Variants in NRG3 observed in about 807,000 individuals in gnomAD.
The protein encoded by NRG3 is neuregulin 3, also known as pro-neuregulin-3, membrane-bound isoform.
NRG3 carries 31 observed loss-of-function variants against 66.9 expected under a neutral mutation model. That is an observed-to-expected ratio of 0.46 (90% CI 0.35 to 0.63). The LOEUF (loss-of-function observed/expected upper bound fraction) is 0.63. Ranked by LOEUF, NRG3 falls within the 20% of genes least tolerant of loss-of-function variation. The pLI, the probability that NRG3 is intolerant of heterozygous loss-of-function variation, is 0.00. For synonymous variants in NRG3, 393 were observed against 359.4 expected, an observed-to-expected ratio of 1.09 and a Z score of -1.06; for missense variants, 910 against 878.9, an observed-to-expected ratio of 1.04 and a Z score of -0.45.
At chr10:82,338,017 T>G (rs867622559) in intron 1 of NRG3, among the ~76,000 whole-genome samples, 3 of 152,230 alleles carry the variant, frequency 2.0e-5, no homozygotes, top group Non-Finnish European at 4.4e-5. Flanking sequence ...CATGTACATA[T>G]GCTTCATGTG....
intron 1 of NRG3, among the ~76,000 whole-genome samples, chr10:82,260,212 T>C (rs996089481): frequency 5.9e-5 from 9 of 152,168 alleles, no homozygotes; most frequent in Admixed American, 2.0e-4. Flanking sequence ...CTAAAGAAAT[T>C]AGCAAAATCA....
chr10:82,173,002 G>C (rs2072748131), intron 1 of NRG3, among the ~76,000 whole-genome samples: 1 of 152,098 alleles, frequency 6.6e-6, no homozygotes, highest in Non-Finnish European at 1.5e-5. Context: ...TGTCTGTGCA[G>C]GAAAATCCAT....
intron 3 of NRG3, among the ~76,000 whole-genome samples, chr10:82,810,253 A>G (rs73307240): frequency 0.019 from 2,884 of 152,228 alleles, 102 homozygotes; most frequent in African/African-American, 0.065. Context: ...GTATTGGTCT[A>G]TTTCCTTTGA....
intron 1 of NRG3, among the ~76,000 whole-genome samples, chr10:81,877,045 A>C (rs1351365055): frequency 1.3e-5 from 2 of 152,084 alleles, no homozygotes; most frequent in East Asian, 3.9e-4. Flanking sequence ...AGTTTTCTGC[A>C]CTCAAGGGTG....
chr10:82,465,254 G>T (rs1840566210), intron 2 of NRG3, among the ~76,000 whole-genome samples: 1 of 152,140 alleles, frequency 6.6e-6, no homozygotes, highest in Non-Finnish European at 1.5e-5. Context: ...AGAGATTTCT[G>T]GTTGACTAAT....
At chr10:82,562,289 T>C (rs1349583414) in intron 2 of NRG3, among the ~76,000 whole-genome samples, 3 of 152,182 alleles carry the variant, frequency 2.0e-5, no homozygotes, top group Non-Finnish European at 2.9e-5. Context: ...TAGTGAAGCA[T>C]ATAGATTTTT....
intron 3 of NRG3, among the ~76,000 whole-genome samples, chr10:82,780,086 G>A (rs142069204): frequency 0.02 from 3,077 of 152,216 alleles, 111 homozygotes; most frequent in African/African-American, 0.069. Flanking sequence ...ATTCCATGGC[G>A]TATATGTGCC....
intron 2 of NRG3, among the ~76,000 whole-genome samples, chr10:82,528,298 C>A (rs1158640155): frequency 6.6e-6 from 1 of 152,116 alleles, no homozygotes; most frequent in Non-Finnish European, 1.5e-5. Context: ...GAAGTTACAT[C>A]TGCTGGCTCT....
intron 1 of NRG3, among the ~76,000 whole-genome samples, chr10:82,148,615 G>A (rs763423559): frequency 1.3e-5 from 2 of 151,936 alleles, no homozygotes; most frequent in Non-Finnish European, 2.9e-5. Flanking sequence ...CAGATTCCTG[G>A]GGCTGGCTGT....
chr10:82,242,719 A>C (rs1208589744), intron 1 of NRG3, among the ~76,000 whole-genome samples: 3 of 152,098 alleles, frequency 2.0e-5, no homozygotes, highest in African/African-American at 7.2e-5. Context: ...TGGGGGTGTG[A>C]GAGAGAGTAA....
At chr10:82,363,568 G>T (rs1231894635) in intron 2 of NRG3, among the ~76,000 whole-genome samples, 2 of 152,140 alleles carry the variant, frequency 1.3e-5, no homozygotes, top group African/African-American at 2.4e-5. Flanking sequence ...CCATTCTCCT[G>T]CCTCAGCCTC....
chr10:82,703,005 T>C (rs1042336303), intron 2 of NRG3, among the ~76,000 whole-genome samples: 6 of 152,030 alleles, frequency 3.9e-5, no homozygotes, highest in African/African-American at 1.4e-4. Flanking sequence ...TTTCTTGGTC[T>C]CCTTCCTTTC....
intron 3 of NRG3, among the ~76,000 whole-genome samples, chr10:82,819,246 A>G (rs1237315955): frequency 6.6e-6 from 1 of 152,196 alleles, no homozygotes; most frequent in Non-Finnish European, 1.5e-5. Flanking sequence ...CACAAGAACT[A>G]ATTGTGAGAT....
intron 3 of NRG3, among the ~76,000 whole-genome samples, chr10:82,756,243 T>C (rs1205870089): frequency 6.6e-6 from 1 of 152,088 alleles, no homozygotes; most frequent in Non-Finnish European, 1.5e-5. Context: ...TCAGCGTCTG[T>C]TTATTCTTTT....
intron 1 of NRG3, among the ~76,000 whole-genome samples, chr10:81,887,977 A>C (rs1842745203): frequency 6.6e-6 from 1 of 152,170 alleles, no homozygotes; most frequent in African/African-American, 2.4e-5. Flanking sequence ...CTTTTTGTAT[A>C]CATCAATACT....
chr10:82,963,043 T>G (rs920923415), intron 6 of NRG3, among the ~76,000 whole-genome samples: 4 of 151,972 alleles, frequency 2.6e-5, no homozygotes, highest in African/African-American at 7.3e-5. Flanking sequence ...CAAAGGTTAG[T>G]GGAGAGAAAA....
At chr10:82,058,391 C>T (rs764238121) in intron 1 of NRG3, among the ~76,000 whole-genome samples, 53 of 151,820 alleles carry the variant, frequency 3.5e-4, no homozygotes, top group Non-Finnish European at 6.0e-4. Flanking sequence ...TTGTCTCCGT[C>T]GATACCATAA....
chr10:82,054,094 T>A (rs1279827827), intron 1 of NRG3, among the ~76,000 whole-genome samples: 2 of 152,136 alleles, frequency 1.3e-5, no homozygotes, highest in Admixed American at 6.6e-5. Flanking sequence ...ACAGTGAGAA[T>A]TTTGGCTCTT....
chr10:82,473,507 G>T (rs1164735321), intron 2 of NRG3, among the ~76,000 whole-genome samples: 1 of 152,032 alleles, frequency 6.6e-6, no homozygotes, highest in East Asian at 1.9e-4. Flanking sequence ...ACTAGAAACG[G>T]ACTAAAATAA....
Sources: allele counts gnomAD v4.1 joint callset (sites outside exome capture counted in the v4.1 genomes callset), GRCh38; gene constraint gnomAD v4.1.1; transcripts MANE v1.5; gene names NCBI Gene and HGNC (gene_info 2026-07-23, HGNC 2026-07-21).